The following USP31 variants were observed in gnomAD, a reference collection of about 807,000 sequenced individuals.
USP31 encodes ubiquitin carboxyl-terminal hydrolase 31.
USP31 carries 44 observed loss-of-function variants against 119.4 expected under a neutral mutation model. The ratio of observed to expected loss-of-function variants is 0.37; its 90% CI spans 0.29 to 0.47. The LOEUF (loss-of-function observed/expected upper bound fraction) is 0.47. Among genes scored for constraint, USP31 ranks in the 20% least tolerant of loss-of-function variants. USP31 has a pLI of 0.99. For missense variants in USP31, 1,643 were observed against 1,730.2 expected, an observed-to-expected ratio of 0.95 and a Z score of 0.89; for synonymous variants, 749 against 705.6, an observed-to-expected ratio of 1.06 and a Z score of -0.97.
intron 13 of USP31, among the ~76,000 whole-genome samples, chr16:23,075,087 C>T (rs1210822054): frequency 1.3e-5 from 2 of 152,118 alleles, no homozygotes; most frequent in Non-Finnish European, 2.9e-5. Flanking sequence ...AGGGCTACAC[C>T]AGACAAGTCC....
intron 14 of USP31, 132 bp from the exon 15 acceptor site, chr16:23,072,329 A>G (rs1900382960): frequency 4.0e-6 from 5 of 1,238,264 alleles, no homozygotes; most frequent in Non-Finnish European, 4.6e-6. Flanking sequence ...GTCAGCATCA[A>G]TTCCCAGACC....
At chr16:23,114,128 T>C (rs927522676) in intron 1 of USP31, among the ~76,000 whole-genome samples, 2 of 151,720 alleles carry the variant, frequency 1.3e-5, no homozygotes, top group African/African-American at 4.8e-5. Context: ...TGGTGATTCT[T>C]TGGTAAGGGG....
chr16:23,131,977 G>A lies in USP31; in HGVS notation c.633+16661C>T, dbSNP rs1162169088. 3.9e-5 allele frequency among the ~76,000 whole-genome samples: 6 copies of A among 152,122 alleles called. No individual in the cohort carries two copies. In the South Asian group the frequency reaches 6.2e-4, roughly 16 times the overall value. On this transcript the variant is annotated intron_variant, in intron 1 of 15. Transcript: ENST00000219689. ...CCAGTCCTATGAAATCTTCTAAAGC[G>A]TCAACTGTTTATTTGTGGACACACT...
At chr16:23,114,523 T>C (rs1305248510) in intron 1 of USP31, among the ~76,000 whole-genome samples, 2 of 152,182 alleles carry the variant, frequency 1.3e-5, no homozygotes, top group Admixed American at 1.3e-4. Flanking sequence ...AACTCTTCAT[T>C]GTATTTCAAA....
intron 1 of USP31, among the ~76,000 whole-genome samples, chr16:23,132,380 C>G (rs918262182): frequency 4.1e-5 from 6 of 146,210 alleles, no homozygotes; most frequent in Non-Finnish European, 7.5e-5. Flanking sequence ...TTTCCAGAGT[C>G]TTTACTATAG....
chr16:23,148,813 G>A lies in USP31; in HGVS notation c.458C>T (p.Ala153Val). The change falls in exon 1 of 16, where the codon GCC (alanine) becomes GTC (valine). Residue 153 changes from alanine to valine, a missense_variant. Physicochemically the swap from Ala to Val is moderately conservative, Grantham distance 64. Transcript: ENST00000219689. Reference protein sequence around the residue: ...LQCLSNTELFAEYLALGQYRA... With the variant: ...LQCLSNTELFVEYLALGQYRA... ...GTACTGGCCCAGCGCCAGGTACTCG[G>A]CGAAGAGCTCGGTGTTGCTGAGGCA... 6.5e-7 allele frequency: 1 copy of A among 1,539,018 alleles called. No homozygotes were observed. Among genetic ancestry groups the A allele is most frequent in the Admixed American group, 2.1e-5 (1 of 48,016 alleles).
intron 1 of USP31, among the ~76,000 whole-genome samples, chr16:23,109,035 A>G (rs1902218460): frequency 6.6e-6 from 1 of 152,348 alleles, no homozygotes; most frequent in East Asian, 1.9e-4. Context: ...CAAGTTTCTC[A>G]TAGTCAGAGA....
At chr16:23,109,666 A>G (rs557692092) in intron 1 of USP31, among the ~76,000 whole-genome samples, 3 of 152,122 alleles carry the variant, frequency 2.0e-5, no homozygotes, top group Non-Finnish European at 4.4e-5. Flanking sequence ...AACTAACACT[A>G]CTTCAGAGAG....
intron 12 of USP31, among the ~76,000 whole-genome samples, chr16:23,080,993 G>A (rs1900795738): frequency 6.6e-6 from 1 of 152,192 alleles, no homozygotes. Flanking sequence ...GAACATGTTA[G>A]AAATAGGAGT....
intron 1 of USP31, among the ~76,000 whole-genome samples, chr16:23,116,040 G>A (rs1258008185): frequency 6.6e-6 from 1 of 152,154 alleles, no homozygotes; most frequent in Non-Finnish European, 1.5e-5. Context: ...TTCCACCCAT[G>A]GGAAATGGAT....
intron 1 of USP31, among the ~76,000 whole-genome samples, chr16:23,144,075 A>C (rs1382949167): frequency 6.6e-6 from 1 of 152,234 alleles, no homozygotes; most frequent in Non-Finnish European, 1.5e-5. Flanking sequence ...CCCAACTTTA[A>C]CAACCATCTA....
intron 6 of USP31, among the ~76,000 whole-genome samples, chr16:23,092,445 C>A (rs1395920646): frequency 6.6e-6 from 1 of 152,130 alleles, no homozygotes; most frequent in Non-Finnish European, 1.5e-5. Context: ...GAGAACTTCA[C>A]AGTGTGGTGG....
intron 1 of USP31, among the ~76,000 whole-genome samples, chr16:23,108,948 T>TACTA (rs1177041195): frequency 1.3e-5 from 2 of 152,220 alleles, no homozygotes; most frequent in East Asian, 3.8e-4. Context: ...GTGTCTAAGA[T>TACTA]ACTAACAGCC....
intron 11 of USP31, among the ~76,000 whole-genome samples, chr16:23,083,346 C>A (rs1382830530): frequency 6.6e-6 from 1 of 152,066 alleles, no homozygotes; most frequent in East Asian, 1.9e-4. Context: ...TTTACTTGTT[C>A]CACTAGACTA....
intron 1 of USP31, among the ~76,000 whole-genome samples, chr16:23,109,421 C>A (rs1902232756): frequency 6.6e-6 from 1 of 151,996 alleles, no homozygotes; most frequent in Admixed American, 6.6e-5. Context: ...TGAGTTATAA[C>A]CCAAAGTATA....
chr16:23,097,288 C>A (rs186437786), intron 6 of USP31, among the ~76,000 whole-genome samples: 75 of 152,298 alleles, frequency 4.9e-4, no homozygotes, highest in Middle Eastern at 3.4e-3. Flanking sequence ...CAAGACTAAA[C>A]CAGGCAGAAG....
chr16:23,071,109 A>G (rs1900325332), intron 15 of USP31, among the ~76,000 whole-genome samples: 1 of 152,228 alleles, frequency 6.6e-6, no homozygotes, highest in African/African-American at 2.4e-5. Flanking sequence ...TAGGAATTGC[A>G]GTCCAATGTT....
At position 23,148,917 on chromosome 16, in the gene USP31, A is replaced by G. The variant is rs184560422; in HGVS notation, c.354T>C (p.Ala118=). 0.042 allele frequency: 56,378 copies of G among 1,336,762 alleles called. 1,361 individuals carry two copies. The highest frequency in any genetic ancestry group is 0.045 in the Non-Finnish European group (47,177 of 1,036,896). 82.8% of individuals were successfully genotyped at this position (1,336,762 alleles called of 1,614,324 possible). ...PPPPASPAPP[A]CAAEPVPGVA... ...CGCCGGGCACCGGCTCGGCGGCGCA[A>G]GCGGGCGGCGCGGGAGAGGCGGGCG... is the stretch of plus-strand genomic sequence containing the variant. Residue 118 remains alanine (A), a synonymous_variant, in exon 1 of 16, where the codon GCT becomes GCC. Transcript: ENST00000219689.
intron 1 of USP31, among the ~76,000 whole-genome samples, chr16:23,141,481 G>C (rs1318399967): frequency 6.6e-6 from 1 of 151,698 alleles, no homozygotes; most frequent in African/African-American, 2.4e-5. Context: ...TGGCTCAGGT[G>C]ATCTTCCCAC....
Sources: gnomAD v4.1 joint callset for allele counts (sites outside exome capture counted in the v4.1 genomes callset) on GRCh38, gnomAD v4.1.1 for gene constraint, MANE v1.5 for transcripts, NCBI Gene and HGNC (gene_info 2026-07-23, HGNC 2026-07-21) for gene names.